SKIC3: variants seen among roughly 807,000 people sequenced by gnomAD.
The protein encoded by SKIC3 is SKI3 subunit of superkiller complex, also known as superkiller complex protein 3.
chr5:95,532,192 A>G, the SKIC3 span, among the ~76,000 whole-genome samples: 1 of 152,162 alleles, frequency 6.6e-6, no homozygotes, highest in Non-Finnish European at 1.5e-5. Flanking sequence ...TCCAGTGAAC[A>G]TCCATATTTA....
the SKIC3 span, among the ~76,000 whole-genome samples, chr5:95,487,944 A>C: frequency 6.6e-6 from 1 of 152,138 alleles, no homozygotes; most frequent in Non-Finnish European, 1.5e-5. Context: ...AAATTAGAAA[A>C]AGCAATTTAG....
At chr5:95,514,001 T>C in the SKIC3 span, among the ~76,000 whole-genome samples, 1 of 152,178 alleles carries the variant, frequency 6.6e-6, no homozygotes, top group African/African-American at 2.4e-5. Flanking sequence ...CTGGGTTCAA[T>C]GGCTGACACA....
the SKIC3 span, chr5:95,464,709 A>G: frequency 1.3e-6 from 2 of 1,581,856 alleles, no homozygotes; most frequent in Admixed American, 3.4e-5. Flanking sequence ...CAGGAACGTC[A>G]GTATTTTGTT....
chr5:95,501,650 G>A, the SKIC3 span, among the ~76,000 whole-genome samples: 1 of 151,384 alleles, frequency 6.6e-6, no homozygotes, highest in Non-Finnish European at 1.5e-5. Context: ...ATAAAACATC[G>A]GGGTAAAGGT....
At chr5:95,475,621 A>AGCAAT in the SKIC3 span, among the ~76,000 whole-genome samples, 1 of 152,180 alleles carries the variant, frequency 6.6e-6, no homozygotes, top group Non-Finnish European at 1.5e-5. Flanking sequence ...ATTTCTTTAT[A>AGCAAT]GCAATGCAAC....
At chr5:95,527,930 A>T in the SKIC3 span, 1 of 1,493,752 alleles carries the variant, frequency 6.7e-7, no homozygotes, top group South Asian at 1.1e-5. Context: ...CATATAAGTA[A>T]ATTTTGTGGT....
chr5:95,497,438 T>C, the SKIC3 span: 2 of 1,613,666 alleles, frequency 1.2e-6, no homozygotes, highest in South Asian at 1.1e-5. Flanking sequence ...TTGAGCATAC[T>C]GTGCAACAAC....
the SKIC3 span, chr5:95,547,242 G>T: frequency 9.6e-7 from 1 of 1,043,022 alleles, no homozygotes; most frequent in Non-Finnish European, 1.5e-6. Context: ...AAGGGACCCT[G>T]GAAAAGGAAA....
the SKIC3 span, among the ~76,000 whole-genome samples, chr5:95,488,571 A>G: frequency 6.6e-6 from 1 of 152,258 alleles, no homozygotes; most frequent in African/African-American, 2.4e-5. Context: ...CAAGGACACT[A>G]TACCCAGCAA....
At chr5:95,478,165 G>T in the SKIC3 span, 1 of 1,107,228 alleles carries the variant, frequency 9.0e-7, no homozygotes, top group Non-Finnish European at 1.3e-6. Context: ...AGTGTATCAA[G>T]AAGCCACACT....
At chr5:95,466,323 T>C in the SKIC3 span, among the ~76,000 whole-genome samples, 2 of 152,164 alleles carry the variant, frequency 1.3e-5, no homozygotes, top group East Asian at 1.9e-4. Flanking sequence ...TTAAAGATAA[T>C]ACGAACATTC....
the SKIC3 span, among the ~76,000 whole-genome samples, chr5:95,501,890 T>TA: frequency 5.3e-5 from 8 of 152,150 alleles, no homozygotes; most frequent in African/African-American, 1.4e-4. Flanking sequence ...TAACGATAGA[T>TA]ACATGTTAAA....
At chr5:95,535,334 G>A in the SKIC3 span, among the ~76,000 whole-genome samples, 1 of 114,508 alleles carries the variant, frequency 8.7e-6, no homozygotes, top group African/African-American at 3.7e-5. Flanking sequence ...TTTTTTTTGA[G>A]GAGTCTCGCT....
the SKIC3 span, chr5:95,464,016 CTGAG>C: frequency 6.6e-6 from 1 of 152,046 alleles, no homozygotes; most frequent in Non-Finnish European, 1.5e-5. Context: ...ATTCACACAC[CTGAG>C]TGTTTGGAAT....
the SKIC3 span, chr5:95,512,993 T>C: frequency 9.5e-5 from 22 of 230,812 alleles, no homozygotes; most frequent in Admixed American, 1.6e-4. Flanking sequence ...ATCTCATGTC[T>C]ATCTTTTTCC....
the SKIC3 span, among the ~76,000 whole-genome samples, chr5:95,476,075 G>A: frequency 3.3e-5 from 5 of 152,230 alleles, no homozygotes; most frequent in Non-Finnish European, 5.9e-5. Context: ...CTATGACAGG[G>A]AGATATGCCA....
At chr5:95,517,011 C>T in the SKIC3 span, 1 of 1,613,600 alleles carries the variant, frequency 6.2e-7, no homozygotes, top group Non-Finnish European at 8.5e-7. Flanking sequence ...ATTCCAAGGT[C>T]ACACCATGTA....
At chr5:95,494,578 A>G in the SKIC3 span, 99 of 1,208,568 alleles carry the variant, frequency 8.2e-5, no homozygotes, top group African/African-American at 1.4e-3. Context: ...GGTATAAACA[A>G]TGCCAATAAA....
chr5:95,506,053 ATACTTTAT>A, the SKIC3 span, among the ~76,000 whole-genome samples: 52 of 152,342 alleles, frequency 3.4e-4, 1 homozygote, highest in Middle Eastern at 3.4e-3. Flanking sequence ...AAAAGAACAG[ATACTTTAT>A]TCTACACAAT....
Sources: gnomAD v4.1 joint callset for allele counts (sites outside exome capture counted in the v4.1 genomes callset) on GRCh38, gnomAD v4.1.1 for gene constraint, MANE v1.5 for transcripts, NCBI Gene and HGNC (gene_info 2026-07-23, HGNC 2026-07-21) for gene names.